The following SULF2 variants were observed in gnomAD, a reference collection of about 807,000 sequenced individuals.
SULF2 encodes sulfatase 2, also known as extracellular sulfatase Sulf-2.
SULF2 carries 52 observed loss-of-function variants against 107.7 expected under a neutral mutation model. The ratio of observed to expected loss-of-function variants is 0.48; its 90% CI spans 0.39 to 0.61. The LOEUF is 0.61. Among genes scored for constraint, SULF2 ranks in the 20% least tolerant of loss-of-function variants. The pLI is 0.00. For synonymous variants in SULF2, 460 were observed against 464.3 expected (o/e 0.99, Z 0.12); for missense variants, 993 against 1,177.3 (o/e 0.84, Z 2.29).
chr20:47,686,556 A>G (rs2088010463), intron 5 of SULF2, among the ~76,000 whole-genome samples: 1 of 152,164 alleles, frequency 6.6e-6, no homozygotes, highest in South Asian at 2.1e-4. Context: ...ACTGCTTTTC[A>G]CAGTGGGTGT....
intron 1 of SULF2, among the ~76,000 whole-genome samples, chr20:47,761,395 C>T (rs748544666): frequency 2.0e-5 from 3 of 152,178 alleles, no homozygotes; most frequent in Non-Finnish European, 4.4e-5. Flanking sequence ...ATCTGCAGAG[C>T]CCTTCAGTGA....
At chr20:47,699,986 C>G (rs1047233521) in intron 4 of SULF2, among the ~76,000 whole-genome samples, 2 of 152,124 alleles carry the variant, frequency 1.3e-5, no homozygotes, top group Non-Finnish European at 2.9e-5. Flanking sequence ...GTAGGCAGGG[C>G]CCAGGACTGG....
At chr20:47,697,083 C>G (rs865820641) in intron 4 of SULF2, among the ~76,000 whole-genome samples, 5 of 152,334 alleles carry the variant, frequency 3.3e-5, no homozygotes, top group Middle Eastern at 3.4e-3. Context: ...CTGCCATCAC[C>G]TCCCTGCAGA....
chr20:47,700,327 G>GTGTAGTA (rs2088519604), intron 4 of SULF2, among the ~76,000 whole-genome samples: 1 of 152,198 alleles, frequency 6.6e-6, no homozygotes, highest in African/African-American at 2.4e-5. Context: ...TATAACGGCA[G>GTGTAGTA]ACTTCTGCAG....
intron 11 of SULF2, among the ~76,000 whole-genome samples, chr20:47,671,565 C>T (rs745473923): frequency 4.6e-5 from 7 of 151,730 alleles, no homozygotes; most frequent in South Asian, 2.1e-4. Flanking sequence ...TGAGCCACCG[C>T]GCCCAGCCCA....
At chr20:47,681,767 C>T (rs2087830982) in intron 7 of SULF2, among the ~76,000 whole-genome samples, 1 of 152,182 alleles carries the variant, frequency 6.6e-6, no homozygotes, top group African/African-American at 2.4e-5. Flanking sequence ...CTCACTGCAA[C>T]CTCCACCTCC....
At chr20:47,742,038 C>T (rs147622933) in intron 2 of SULF2, among the ~76,000 whole-genome samples, 2 of 152,332 alleles carry the variant, frequency 1.3e-5, no homozygotes, top group Non-Finnish European at 2.9e-5. Context: ...GGCGGAGGAG[C>T]GCTGTGTCAA....
rs553645314 is a variant in SULF2, at chr20:47,766,849, T to C, written c.-100-9386A>G. On this transcript the variant is annotated intron_variant, in intron 1 of 20. Transcript: ENST00000688720. ...TCTTAGGAAGCTGAGCACCAAAATG[T>C]TTTGTATGTCAAGTGGGTAGATGTT... Among the ~76,000 whole-genome samples, 7 of 152,146 alleles carry C rather than the reference T, an allele frequency of 4.6e-5. No homozygotes were observed. In the South Asian group the frequency reaches 1.5e-3, roughly 32 times the overall value.
intron 11 of SULF2, among the ~76,000 whole-genome samples, 200 bp downstream of exon 11, chr20:47,671,998 T>C (rs993216514): frequency 3.3e-5 from 5 of 152,296 alleles, no homozygotes; most frequent in Non-Finnish European, 5.9e-5. Context: ...GCGTGAGCCA[T>C]TGCGCCTGGC....
At chr20:47,751,441 G>A (rs1164762042) in intron 2 of SULF2, among the ~76,000 whole-genome samples, 4 of 152,240 alleles carry the variant, frequency 2.6e-5, no homozygotes, top group Non-Finnish European at 5.9e-5. Flanking sequence ...GTCCCAGACA[G>A]TGTCAGACCA....
At position 47,758,302 on chromosome 20, in the gene SULF2, TGG is replaced by T. The variant is rs1600663608; in HGVS notation, c.-100-841_-100-840del. ...CTCCTGCCTCAGCCTCTAGAGAAGC[TGG>T]GATTACAGGCGCCTGCCACCACGCC... On this transcript the variant is annotated intron_variant, in intron 1 of 20. Coordinates refer to ENST00000688720, the MANE Select transcript of SULF2 (RefSeq NM_001387048.1). Among the ~76,000 whole-genome samples the T allele has an allele frequency of 2.0e-5, 3 of 151,764 alleles. No individual in the cohort carries two copies. In the South Asian group the frequency reaches 6.2e-4, roughly 32 times the overall value.
intron 3 of SULF2, among the ~76,000 whole-genome samples, chr20:47,735,434 T>C (rs901403767): frequency 3.9e-5 from 6 of 152,250 alleles, no homozygotes; most frequent in African/African-American, 1.4e-4. Context: ...CTTGAGTGCA[T>C]GGCTGTACTT....
rs112624461 is a variant in SULF2, at chr20:47,691,352, G to C, written c.568-1057C>G. Among the ~76,000 whole-genome samples, 535 of 152,322 alleles carry C rather than the reference G, an allele frequency of 3.5e-3. 2 individuals carry two copies. Among genetic ancestry groups the C allele is most frequent in the Admixed American group, 6.9e-3 (105 of 15,300 alleles). ...GGGCAGTCAGGGAGGTCCTCTCTGA[G>C]GAGGTGACATTTGAGTTGAGACCTG... On this transcript the variant is annotated intron_variant, in intron 4 of 20. Coordinates refer to ENST00000688720, the MANE Select transcript of SULF2 (RefSeq NM_001387048.1).
chr20:47,678,655 C>T lies in SULF2; in HGVS notation c.1193+21G>A, dbSNP rs1568803766. 1.2e-6 allele frequency: 2 copies of T among 1,613,124 alleles called. No homozygotes were observed. The highest frequency in any genetic ancestry group is 1.1e-5 in the South Asian group (1 of 91,016). On this transcript the variant is annotated intron_variant, in intron 8 of 20. Coordinates refer to ENST00000688720, the MANE Select transcript of SULF2 (RefSeq NM_001387048.1). This position sits in a 1 kb window ranked among gnomAD's most constrained non-coding sequence, Gnocchi z 4.5. ...GGTCAATGTCCCGGCCCCCTCAACA[C>T]CTGCCCTGCTCCGTCCTCACCGATT...
chr20:47,769,541 G>C (rs12480542), intron 1 of SULF2, among the ~76,000 whole-genome samples: 19,834 of 151,904 alleles, frequency 0.13, 1,889 homozygotes, highest in East Asian at 0.52. Flanking sequence ...CCAGAAGCTC[G>C]CATGGGCAGG....
At chr20:47,737,391 T>C (rs1453549453) in intron 2 of SULF2, among the ~76,000 whole-genome samples, 1 of 152,226 alleles carries the variant, frequency 6.6e-6, no homozygotes. Context: ...CCAACCACCA[T>C]GTAAATTGAG....
intron 18 of SULF2, among the ~76,000 whole-genome samples, chr20:47,660,915 C>T (rs916376765): frequency 1.3e-5 from 2 of 152,158 alleles, no homozygotes; most frequent in Non-Finnish European, 2.9e-5. Context: ...GGGGGCTTCA[C>T]CACCTGAATC....
chr20:47,758,943 C>T (rs2090357776), intron 1 of SULF2, among the ~76,000 whole-genome samples: 1 of 152,196 alleles, frequency 6.6e-6, no homozygotes, highest in African/African-American at 2.4e-5. Flanking sequence ...CCGGGTTCAG[C>T]AGGGGGATGT....
chr20:47,723,416 G>T (rs1008391575), intron 3 of SULF2, among the ~76,000 whole-genome samples: 3 of 152,146 alleles, frequency 2.0e-5, no homozygotes, highest in Admixed American at 2.0e-4. Flanking sequence ...GAAGTTCTCC[G>T]CAGTGTGTGA....
Sources: gnomAD v4.1 joint callset for allele counts (sites outside exome capture counted in the v4.1 genomes callset) on GRCh38, gnomAD v4.1.1 for gene constraint, Gnocchi (gnomAD v3.1) non-coding constraint, MANE v1.5 for transcripts, NCBI Gene and HGNC (gene_info 2026-07-23, HGNC 2026-07-21) for gene names.